The following CSMD1 variants were observed in gnomAD, a reference collection of about 807,000 sequenced individuals.
CSMD1 encodes the protein CUB and sushi domain-containing protein 1.
In CSMD1, 213 loss-of-function variants were observed where a neutral mutation model predicts 417.5. The observed-to-expected ratio is 0.51, with a 90% CI of 0.46 to 0.57. CSMD1 has a LOEUF of 0.57. CSMD1 is among the 20% of genes least tolerant of loss of function. The probability of loss-of-function intolerance (pLI) is 0.00; values close to 1 mark genes in which losing one functional copy is unlikely to be tolerated. For synonymous variants in CSMD1, 2,862 were observed against 1,736.8 expected, an observed-to-expected ratio of 1.65 and a Z score of -16.11; for missense variants, 6,923 against 4,529.7, an observed-to-expected ratio of 1.53 and a Z score of -15.17.
chr8:3,278,945 C>T lies in CSMD1; in HGVS notation c.4153+5199G>A, dbSNP rs368914999. 5 of 152,282 alleles carry T rather than the reference C, an allele frequency of 3.3e-5. No individual in the cohort carries two copies. The East Asian group carries it at 7.7e-4, about 23-fold the overall frequency. 9.4% of individuals were successfully genotyped at this position (152,282 alleles called of 1,614,324 possible). A position where few individuals can be genotyped will look rare whatever the true frequency, so the allele number is the denominator to read the frequency against. On this transcript the variant is annotated intron_variant, in intron 26 of 69. Transcript: ENST00000635120. ...AACTGGGTCAGTTTCTTAATTACGA[C>T]TGAGGGGTTATAGGAACCTTCTTTT...
chr8:4,438,950 A>C (rs894973291), intron 2 of CSMD1, among the ~76,000 whole-genome samples: 1 of 152,244 alleles, frequency 6.6e-6, no homozygotes, highest in African/African-American at 2.4e-5. Context: ...CCGTAAATGA[A>C]TTAATGTGAA....
intron 1 of CSMD1, among the ~76,000 whole-genome samples, chr8:4,669,102 G>A (rs999711743): frequency 6.6e-6 from 1 of 152,044 alleles, no homozygotes; most frequent in African/African-American, 2.4e-5. Context: ...CTTTACTTCA[G>A]CTTTAAAAAA....
chr8:3,409,589 C>A lies in CSMD1; in HGVS notation c.1578G>T (p.Gly526=). The A allele has an allele frequency of 3.1e-6, 5 of 1,594,666 alleles. No individual in the cohort carries two copies. The highest frequency in any genetic ancestry group is 2.3e-5 in the South Asian group (2 of 88,482). ...KAVYQEIEKG[G]CGDPGIPAYG... ...AGGCGGGGATTCCAGGATCCCCACACCCTCCCTTTTCAATTTCTGAAAATG... is the reference window on the plus strand; with the variant it reads ...AGGCGGGGATTCCAGGATCCCCACAACCTCCCTTTTCAATTTCTGAAAATG... Residue 526 remains glycine (G), a synonymous_variant, in exon 13 of 70, where the codon GGG becomes GGT. Transcript: ENST00000635120.
intron 3 of CSMD1, among the ~76,000 whole-genome samples, chr8:4,374,292 C>T (rs181771543): frequency 6.6e-6 from 1 of 152,240 alleles, no homozygotes; most frequent in East Asian, 1.9e-4. Context: ...TACTGTTATG[C>T]TGTATTAGAG....
intron 37 of CSMD1, among the ~76,000 whole-genome samples, chr8:3,168,960 C>T (rs1820412718): frequency 6.6e-6 from 1 of 152,050 alleles, no homozygotes; most frequent in Non-Finnish European, 1.5e-5. Context: ...ATTATATTAG[C>T]ATTTTACTGG....
chr8:3,617,991 T>C (rs1328219797), intron 7 of CSMD1, among the ~76,000 whole-genome samples: 2 of 152,158 alleles, frequency 1.3e-5, no homozygotes, highest in Non-Finnish European at 2.9e-5. Context: ...ACAGTAATCA[T>C]ATCAAGTTTA....
intron 9 of CSMD1, among the ~76,000 whole-genome samples, chr8:3,578,715 C>G (rs552432046): frequency 6.6e-6 from 1 of 152,274 alleles, no homozygotes; most frequent in African/African-American, 2.4e-5. Context: ...ACACAGGAGA[C>G]AGCCGAGGGA....
At chr8:3,739,532 A>G (rs527370757) in intron 6 of CSMD1, among the ~76,000 whole-genome samples, 2 of 152,294 alleles carry the variant, frequency 1.3e-5, no homozygotes, top group African/African-American at 4.8e-5. Flanking sequence ...TATAATTATT[A>G]CACGTCAATT....
chr8:4,047,699 G>C (rs553031585), intron 3 of CSMD1, among the ~76,000 whole-genome samples: 1 of 152,018 alleles, frequency 6.6e-6, no homozygotes, highest in African/African-American at 2.4e-5. Context: ...AATAAAATTT[G>C]TAATAGCTCA....
chr8:4,835,226 A>C (rs1800406283), intron 1 of CSMD1, among the ~76,000 whole-genome samples: 1 of 152,060 alleles, frequency 6.6e-6, no homozygotes, highest in Admixed American at 6.6e-5. Context: ...AGAGGAGATA[A>C]ATGATTGAAT....
rs1811792589 is a variant in CSMD1, at chr8:3,397,780, G to A, written c.2406-1399C>T. Among the ~76,000 whole-genome samples the A allele has an allele frequency of 3.3e-5, 5 of 152,286 alleles. No homozygotes were observed. In the South Asian group the frequency reaches 1.0e-3, roughly 32 times the overall value. On this transcript the variant is annotated intron_variant, in intron 16 of 69. Coordinates refer to ENST00000635120, the MANE Select transcript of CSMD1 (RefSeq NM_033225.6). Reference sequence around the variant, plus strand: ...TCAACAGCTGGAAGATTTCCAGGATGACGTTGGAAACAGAAACATCTGGAT... The same window carrying A: ...TCAACAGCTGGAAGATTTCCAGGATAACGTTGGAAACAGAAACATCTGGAT...
intron 54 of CSMD1, among the ~76,000 whole-genome samples, chr8:2,987,048 C>T (rs563954783): frequency 3.9e-5 from 6 of 152,058 alleles, no homozygotes; most frequent in Non-Finnish European, 8.8e-5. Flanking sequence ...TTAACTCAGC[C>T]CTAAGGCAAA....
At chr8:3,239,805 G>T (rs1340115241) in intron 26 of CSMD1, among the ~76,000 whole-genome samples, 5 of 152,116 alleles carry the variant, frequency 3.3e-5, no homozygotes, top group African/African-American at 1.2e-4. Context: ...AGGAAACATG[G>T]GGAAATGGGG....
rs566270130 is a variant in CSMD1 at position 3,042,517 on chromosome 8, G to A, written c.7660+9945C>T. Among the ~76,000 whole-genome samples the A allele has an allele frequency of 3.5e-4, 53 of 149,506 alleles. 1 individual carries two copies. The highest frequency in any genetic ancestry group is 1.2e-3 in the African/African-American group (46 of 38,920). ...TGTTTGACTTTGTAAACCTGCTTAC[G>A]GGAATCCCGTCGAAGCACAGCTGAA... On this transcript the variant is annotated intron_variant, in intron 50 of 69. Transcript: ENST00000635120.
At chr8:3,870,790 T>C (rs1805429486) in intron 5 of CSMD1, among the ~76,000 whole-genome samples, 1 of 152,140 alleles carries the variant, frequency 6.6e-6, no homozygotes, top group Non-Finnish European at 1.5e-5. Flanking sequence ...ACTCAGGAAT[T>C]GCATTCTTAT....
intron 1 of CSMD1, among the ~76,000 whole-genome samples, chr8:4,689,871 G>A (rs766510759): frequency 2.6e-5 from 4 of 152,098 alleles, no homozygotes; most frequent in East Asian, 1.9e-4. Flanking sequence ...TTATATGAAT[G>A]ATTAAAACTA....
chr8:4,651,153 C>A (rs80295394), intron 1 of CSMD1, among the ~76,000 whole-genome samples: 3,832 of 152,018 alleles, frequency 0.025, 88 homozygotes, highest in East Asian at 0.089. Context: ...ATAGTTTCAA[C>A]TGAGAAAAAA....
chr8:4,103,260 A>T (rs1256090267), intron 3 of CSMD1, among the ~76,000 whole-genome samples: 1 of 9,736 alleles, frequency 1.0e-4, no homozygotes, highest in Non-Finnish European at 2.2e-4. Context: ...CAGTGTATAC[A>T]TACATTATAT....
In CSMD1 at chr8:2,999,948, G is replaced by C; in HGVS notation, c.8203+10C>G. 2 of 1,606,008 alleles carry C rather than the reference G, an allele frequency of 1.2e-6. No individual in the cohort carries two copies. The highest frequency in any genetic ancestry group is 1.7e-6 in the Non-Finnish European group (2 of 1,176,396). ...GCATCGATGAATTCGTCCACAAAGAGTGCACTTACGGACACAGACAGGCGT... is the reference window on the plus strand; with the variant it reads ...GCATCGATGAATTCGTCCACAAAGACTGCACTTACGGACACAGACAGGCGT... On this transcript the variant is annotated intron_variant, in intron 53 of 69. Transcript: ENST00000635120.
Sources: gnomAD v4.1 joint callset for allele counts (sites outside exome capture counted in the v4.1 genomes callset) on GRCh38, gnomAD v4.1.1 for gene constraint, MANE v1.5 for transcripts, NCBI Gene and HGNC (gene_info 2026-07-23, HGNC 2026-07-21) for gene names.